Variants in MAPK13 observed in about 807,000 individuals in gnomAD.
MAPK13 encodes mitogen-activated protein kinase 13, also known as MAP kinase 13.
In MAPK13, 39 loss-of-function variants were observed where a neutral mutation model predicts 53.5. The observed-to-expected ratio is 0.73, with a 90% CI of 0.56 to 0.95. The LOEUF (loss-of-function observed/expected upper bound fraction) is 0.95. MAPK13 is among the 40% of genes least tolerant of loss of function. MAPK13 has a pLI of 0.00. For synonymous variants in MAPK13, 179 were observed against 190.9 expected (o/e 0.94, Z 0.51); for missense variants, 460 against 471.8 (o/e 0.98, Z 0.23).
chr6:36,135,536 T>G (rs1766399203), intron 3 of MAPK13, among the ~76,000 whole-genome samples: 1 of 152,214 alleles, frequency 6.6e-6, no homozygotes, highest in Non-Finnish European at 1.5e-5. Context: ...CAGCGCTTAC[T>G]CCGAGCTCTG....
intron 9 of MAPK13, 72 bp from the exon 10 acceptor site, chr6:36,138,630 G>A: frequency 6.7e-7 from 1 of 1,488,434 alleles, no homozygotes; most frequent in Non-Finnish European, 9.4e-7. Flanking sequence ...CTGCTCTGAG[G>A]CTTTTCTGAA....
chr6:36,136,410 C>T, intron 5 of MAPK13, 74 bp from the exon 6 acceptor site: 3 of 1,336,380 alleles, frequency 2.2e-6, no homozygotes, highest in Non-Finnish European at 2.0e-6. Context: ...AGGTCACACC[C>T]CTGGGTGGTG....
rs775083164 is a variant in MAPK13, at chr6:36,139,301, C to G, written c.1026C>G (p.Ile342Met). ...CCATGCTGCCTTTCTCAGAGCACAT[C>G]TACAAGGAGATTGTGAACTTCAGCC... is the stretch of plus-strand genomic sequence containing the variant. Reference protein sequence around the residue: ...KLTVDEWKQHIYKEIVNFSPI... With the variant: ...KLTVDEWKQHMYKEIVNFSPI... The change falls in exon 12 of 12, where the codon ATC becomes ATG. Residue 342 changes from isoleucine to methionine, a missense_variant. Physicochemically the swap from Ile to Met is conservative, Grantham distance 10. Transcript: ENST00000211287. 1 of 1,614,066 alleles carries G rather than the reference C, an allele frequency of 6.2e-7. No individual in the cohort carries two copies. Among genetic ancestry groups the G allele is most frequent in the Non-Finnish European group, 8.5e-7 (1 of 1,179,928 alleles).
At chr6:36,136,561 C>CG in intron 6 of MAPK13, 30 bp downstream of exon 6, 3 of 1,594,706 alleles carry the variant, frequency 1.9e-6, no homozygotes, top group Non-Finnish European at 2.6e-6. Context: ...AGCCCAGAGG[C>CG]GGGATAGGCC....
At position 36,138,693 on chromosome 6, in the gene MAPK13, G is replaced by C. The variant is rs1403081406; in HGVS notation, c.763-9G>C. On this transcript the variant is annotated splice_polypyrimidine_tract_variant and intron_variant, in intron 9 of 11. Transcript: ENST00000211287. ...GCCCTAAGGGGTTTGATGCTTTTCT[G>C]TCTTCCAGGCCAAATCCTACATCCA... 1 of 1,613,856 alleles carries C rather than the reference G, an allele frequency of 6.2e-7. No homozygotes were observed. The highest frequency in any genetic ancestry group is 1.3e-5 in the African/African-American group (1 of 74,912).
intron 5 of MAPK13, 145 bp from the exon 6 acceptor site, chr6:36,136,339 A>T: frequency 1.4e-6 from 1 of 713,848 alleles, no homozygotes; most frequent in South Asian, 1.9e-5. Context: ...GAGAACACCT[A>T]GTCCAACCCT....
Position 36,139,603 on chromosome 6 carries a change from C to G in MAPK13, c.*230C>G. On this transcript the variant is annotated 3_prime_UTR_variant, in exon 12 of 12. Coordinates refer to ENST00000211287, the MANE Select transcript of MAPK13 (RefSeq NM_002754.5). ...AACTGCCCATCTGGAGAATCGCCTG[C>G]AGGTGGGGCCCTTTCCTTCCCGCCA... 1 of 526,012 alleles carries G rather than the reference C, an allele frequency of 1.9e-6. No individual in the cohort carries two copies. Among genetic ancestry groups the G allele is most frequent in the Non-Finnish European group, 3.4e-6 (1 of 293,146 alleles). The allele number at this position is 526,012 out of a possible 1,614,324, so 32.6% of individuals were successfully genotyped here.
rs1766430492 is a variant in MAPK13 at position 36,136,962 on chromosome 6, T to C, written c.682+12T>C. 1 of 1,611,854 alleles carries C rather than the reference T, an allele frequency of 6.2e-7. No homozygotes were observed. ...CAAGGGGAAAGATTGTATCCTTTGC[T>C]GGAAAAGCCAAACTCCATCTAGGGA... On this transcript the variant is annotated intron_variant, in intron 8 of 11. Transcript: ENST00000211287.
intron 9 of MAPK13, 80 bp from the exon 10 acceptor site, chr6:36,138,622 G>A: frequency 6.9e-7 from 1 of 1,442,624 alleles, no homozygotes; most frequent in Non-Finnish European, 9.7e-7. Context: ...TTTCAGCCCT[G>A]CTCTGAGGCT....
chr6:36,134,207 G>C (rs1766371428), intron 3 of MAPK13, among the ~76,000 whole-genome samples: 1 of 152,074 alleles, frequency 6.6e-6, no homozygotes, highest in Non-Finnish European at 1.5e-5. Flanking sequence ...GGAGGGGAAA[G>C]ACACAGGAGG....
intron 8 of MAPK13, among the ~76,000 whole-genome samples, chr6:36,137,278 G>C (rs1015069982): frequency 6.6e-6 from 1 of 152,212 alleles, no homozygotes; most frequent in Non-Finnish European, 1.5e-5. Context: ...CACTCTGGGA[G>C]GCTGAGGCGG....
intron 7 of MAPK13, 34 bp from the exon 8 acceptor site, chr6:36,136,845 G>C: frequency 1.2e-6 from 2 of 1,612,632 alleles, no homozygotes; most frequent in Non-Finnish European, 1.7e-6. Context: ...CTGGGCCCCA[G>C]ACAGTCCAGG....
At chr6:36,138,062 T>C (rs769589620) in intron 8 of MAPK13, among the ~76,000 whole-genome samples, 2 of 151,378 alleles carry the variant, frequency 1.3e-5, no homozygotes, top group Non-Finnish European at 2.9e-5. Flanking sequence ...TGAGTACCTG[T>C]GTGTGCAGGG....
chr6:36,136,276 G>A (rs1766415298), intron 5 of MAPK13, among the ~76,000 whole-genome samples: 1 of 152,194 alleles, frequency 6.6e-6, no homozygotes, highest in African/African-American at 2.4e-5. Context: ...GCCCTGAGCT[G>A]AGTGTTTCAG....
chr6:36,134,057 G>C (rs1227562879), intron 3 of MAPK13, among the ~76,000 whole-genome samples: 1 of 152,200 alleles, frequency 6.6e-6, no homozygotes, highest in East Asian at 1.9e-4. Context: ...CCAGGAGTGT[G>C]GACCGCCCTT....
intron 3 of MAPK13, among the ~76,000 whole-genome samples, chr6:36,133,258 C>T (rs1766353627): frequency 6.6e-6 from 1 of 152,210 alleles, no homozygotes; most frequent in South Asian, 2.1e-4. Context: ...ACTGACCCTA[C>T]AGGCAGCCTC....
intron 3 of MAPK13, among the ~76,000 whole-genome samples, chr6:36,134,258 C>T (rs767384581): frequency 2.6e-5 from 4 of 152,056 alleles, no homozygotes; most frequent in East Asian, 1.9e-4. Flanking sequence ...GTGTGTGGTC[C>T]GGCAGGAGAG....
intron 1 of MAPK13, 66 bp from the exon 2 acceptor site, chr6:36,131,205 C>A (rs1766313220): frequency 2.6e-6 from 4 of 1,561,618 alleles, no homozygotes; most frequent in Non-Finnish European, 8.7e-7. Flanking sequence ...TGGGAGGGGT[C>A]AGGGCGGTCT....
intron 3 of MAPK13, among the ~76,000 whole-genome samples, chr6:36,135,256 G>T (rs1581882332): frequency 6.6e-6 from 1 of 152,200 alleles, no homozygotes; most frequent in East Asian, 1.9e-4. Flanking sequence ...GGCTGCAGGA[G>T]CCTCCCCATC....
Sources: gnomAD v4.1 joint callset for allele counts (sites outside exome capture counted in the v4.1 genomes callset) on GRCh38, gnomAD v4.1.1 for gene constraint, MANE v1.5 for transcripts, NCBI Gene and HGNC (gene_info 2026-07-23, HGNC 2026-07-21) for gene names.